PPARGC1A: variants seen among roughly 807,000 people sequenced by gnomAD.
The protein encoded by PPARGC1A is PPARG coactivator 1 alpha, also known as peroxisome proliferator-activated receptor gamma coactivator 1-alpha.
In PPARGC1A, 25 loss-of-function variants were observed where a neutral mutation model predicts 88.7. The observed-to-expected ratio is 0.28, with a 90% CI of 0.21 to 0.39. The LOEUF is 0.39. PPARGC1A is among the 10% of genes least tolerant of loss of function. PPARGC1A has a pLI of 1.00. For missense variants in PPARGC1A, 880 were observed against 968.7 expected, an observed-to-expected ratio of 0.91 and a Z score of 1.22; for synonymous variants, 363 against 355.6, an observed-to-expected ratio of 1.02 and a Z score of -0.24.
At chr4:23,820,835 A>C (rs1488850730) in intron 7 of PPARGC1A, among the ~76,000 whole-genome samples, 3 of 152,090 alleles carry the variant, frequency 2.0e-5, no homozygotes, top group Admixed American at 6.6e-5. Context: ...ATTTCCACTT[A>C]AACATTTGGA....
At chr4:24,261,287 G>A in the PPARGC1A span, among the ~76,000 whole-genome samples, 2 of 152,048 alleles carry the variant, frequency 1.3e-5, no homozygotes, top group Admixed American at 6.5e-5. Context: ...TTGAATCCCT[G>A]CCCTGGCACT....
intron 2 of PPARGC1A, among the ~76,000 whole-genome samples, chr4:23,853,700 G>C (rs1432516876): frequency 6.6e-6 from 1 of 152,078 alleles, no homozygotes; most frequent in African/African-American, 2.4e-5. Flanking sequence ...CAGAAGGATA[G>C]ACAGAAACTT....
chr4:24,385,476 C>T, the PPARGC1A span, among the ~76,000 whole-genome samples: 1 of 151,932 alleles, frequency 6.6e-6, no homozygotes, highest in African/African-American at 2.4e-5. Context: ...AAAAGATTGA[C>T]AAAATAGATA....
At chr4:24,096,173 C>A in the PPARGC1A span, among the ~76,000 whole-genome samples, 4 of 152,314 alleles carry the variant, frequency 2.6e-5, no homozygotes, top group South Asian at 4.1e-4. Flanking sequence ...CTCTCTCTCT[C>A]TTCCGCCACC....
At chr4:24,400,758 C>T in the PPARGC1A span, among the ~76,000 whole-genome samples, 2 of 152,072 alleles carry the variant, frequency 1.3e-5, no homozygotes, top group African/African-American at 4.8e-5. Flanking sequence ...CCTAGCTCAT[C>T]GTAAGACTGT....
chr4:24,169,512 T>TTA, the PPARGC1A span, among the ~76,000 whole-genome samples: 1 of 152,140 alleles, frequency 6.6e-6, no homozygotes, highest in Non-Finnish European at 1.5e-5. Flanking sequence ...AACTCTATGC[T>TTA]ATCTTTGCAG....
the PPARGC1A span, among the ~76,000 whole-genome samples, chr4:24,331,651 A>G: frequency 6.6e-6 from 1 of 152,172 alleles, no homozygotes; most frequent in East Asian, 1.9e-4. Context: ...AGTTGTGCTC[A>G]TGTACACAAA....
upstream of PPARGC1A, among the ~76,000 whole-genome samples, chr4:23,905,500 T>C (rs921691990): frequency 6.6e-6 from 1 of 152,208 alleles, no homozygotes; most frequent in Non-Finnish European, 1.5e-5. Context: ...TTCACCCTAT[T>C]CTTCTTCACC....
chr4:24,180,767 GGTCATTCTCATCCATGTGAACTA>G, the PPARGC1A span, among the ~76,000 whole-genome samples: 1 of 152,078 alleles, frequency 6.6e-6, no homozygotes, highest in Non-Finnish European at 1.5e-5. Flanking sequence ...CAAAGTTTCT[GGTCATTCTCATCCATGTGAACTA>G]GTCATTCTCA....
the PPARGC1A span, among the ~76,000 whole-genome samples, chr4:24,345,358 C>T: frequency 6.6e-6 from 1 of 151,850 alleles, no homozygotes; most frequent in Non-Finnish European, 1.5e-5. Context: ...GCAGTATGGT[C>T]ATTTTCACAA....
chr4:24,332,567 TATCATTTCAATATGTGCAAGAACTCAG>T, the PPARGC1A span, among the ~76,000 whole-genome samples: 2 of 152,246 alleles, frequency 1.3e-5, no homozygotes, highest in African/African-American at 2.4e-5. Flanking sequence ...TCTTATCACT[TATCATTTCAATATGTGCAAGAACTCAG>T]AGTACATTTT....
At chr4:23,929,905 T>A in the PPARGC1A span, among the ~76,000 whole-genome samples, 2 of 152,164 alleles carry the variant, frequency 1.3e-5, no homozygotes, top group Non-Finnish European at 2.9e-5. Flanking sequence ...TTAACAACCC[T>A]ATGAGGAGGG....
At chr4:24,194,617 CGCGCACG>C in the PPARGC1A span, among the ~76,000 whole-genome samples, 1 of 20,610 alleles carries the variant, frequency 4.9e-5, no homozygotes, top group Non-Finnish European at 1.1e-4. Context: ...CACACACGCG[CGCGCACG>C]CGCGCGCACA....
the PPARGC1A span, among the ~76,000 whole-genome samples, chr4:23,960,290 G>T: frequency 6.6e-6 from 1 of 152,094 alleles, no homozygotes; most frequent in East Asian, 1.9e-4. Context: ...GATGCAAGAG[G>T]GGAGAGATGA....
At chr4:23,945,650 G>A in the PPARGC1A span, among the ~76,000 whole-genome samples, 1 of 152,184 alleles carries the variant, frequency 6.6e-6, no homozygotes, top group Admixed American at 6.5e-5. Flanking sequence ...GGGACGGCAT[G>A]AGCAAAACCA....
the PPARGC1A span, among the ~76,000 whole-genome samples, chr4:24,039,665 G>A: frequency 6.6e-6 from 1 of 152,154 alleles, no homozygotes; most frequent in Non-Finnish European, 1.5e-5. Context: ...TGATGCACAA[G>A]CTACTTAATC....
At chr4:24,004,670 T>C in the PPARGC1A span, among the ~76,000 whole-genome samples, 27 of 152,310 alleles carry the variant, frequency 1.8e-4, no homozygotes, top group South Asian at 8.3e-4. Context: ...ATTTTGTTAC[T>C]GGTCTTCGGT....
At chr4:24,472,660 G>GGCC in the PPARGC1A span, among the ~76,000 whole-genome samples, 2 of 151,818 alleles carry the variant, frequency 1.3e-5, no homozygotes, top group Non-Finnish European at 2.9e-5. This position sits in a 1 kb window ranked among gnomAD's most constrained non-coding sequence, Gnocchi z 4.5. Context: ...GGGATGCTCG[G>GGCC]GCTGCCGCCG....
At chr4:23,830,350 T>C (rs1724778351) in intron 3 of PPARGC1A, among the ~76,000 whole-genome samples, 1 of 152,184 alleles carries the variant, frequency 6.6e-6, no homozygotes, top group African/African-American at 2.4e-5. Flanking sequence ...TTCATTTCAC[T>C]GGATGACCCT....
Sources: allele counts gnomAD v4.1 joint callset (sites outside exome capture counted in the v4.1 genomes callset), GRCh38; gene constraint gnomAD v4.1.1; non-coding constraint Gnocchi (gnomAD v3.1); transcripts MANE v1.5; gene names NCBI Gene and HGNC (gene_info 2026-07-23, HGNC 2026-07-21).